LINGO2: variants seen among roughly 807,000 people sequenced by gnomAD.
LINGO2 encodes the protein leucine rich repeat and Ig domain containing 2.
In LINGO2, 14 loss-of-function variants were observed where a neutral mutation model predicts 30.6. That is an observed-to-expected ratio of 0.46 (90% CI 0.30 to 0.72). The LOEUF is 0.72. LINGO2 is among the 30% of genes least tolerant of loss of function. LINGO2 has a pLI of 0.07. For missense variants in LINGO2, 729 were observed against 751.7 expected, an observed-to-expected ratio of 0.97 and a Z score of 0.35; for synonymous variants, 317 against 288.5, an observed-to-expected ratio of 1.10 and a Z score of -1.00.
the LINGO2 span, among the ~76,000 whole-genome samples, chr9:29,063,497 G>C: frequency 6.6e-6 from 1 of 151,514 alleles, no homozygotes; most frequent in African/African-American, 2.4e-5. Context: ...CTGCCTCCCA[G>C]GTTTGAGCAA....
At chr9:28,956,306 G>C in the LINGO2 span, among the ~76,000 whole-genome samples, 1 of 152,082 alleles carries the variant, frequency 6.6e-6, no homozygotes, top group African/African-American at 2.4e-5. Flanking sequence ...GAATGAAAGA[G>C]CTACCAGCAC....
chr9:28,941,473 T>C, the LINGO2 span, among the ~76,000 whole-genome samples: 1 of 152,140 alleles, frequency 6.6e-6, no homozygotes, highest in African/African-American at 2.4e-5. Flanking sequence ...AATTAAATTA[T>C]ATAATATTGT....
chr9:28,056,035 A>T (rs940834684), intron 4 of LINGO2, among the ~76,000 whole-genome samples: 2 of 152,192 alleles, frequency 1.3e-5, no homozygotes, highest in Non-Finnish European at 2.9e-5. Flanking sequence ...ACTTAAGACA[A>T]AAGAAACTAT....
At chr9:28,016,787 A>G (rs921117037) in intron 4 of LINGO2, among the ~76,000 whole-genome samples, 3 of 152,128 alleles carry the variant, frequency 2.0e-5, no homozygotes, top group South Asian at 2.1e-4. Context: ...TATCAATCCT[A>G]CGGAAAATAG....
intron 4 of LINGO2, among the ~76,000 whole-genome samples, chr9:28,198,115 A>T (rs75829879): frequency 0.019 from 2,877 of 151,886 alleles, 56 homozygotes; most frequent in South Asian, 0.095. Context: ...GTAGGAATTT[A>T]TCCTACAGAT....
chr9:28,321,609 T>C (rs1339436952), intron 3 of LINGO2, among the ~76,000 whole-genome samples: 1 of 151,872 alleles, frequency 6.6e-6, no homozygotes, highest in Non-Finnish European at 1.5e-5. Flanking sequence ...AAATGAAGAG[T>C]GGAGAAGCAG....
the LINGO2 span, among the ~76,000 whole-genome samples, chr9:28,675,928 TACACACACACACACACAC>T: frequency 7.4e-6 from 1 of 135,680 alleles, no homozygotes; most frequent in African/African-American, 2.7e-5. Flanking sequence ...TATATATACA[TACACACACACACACACAC>T]ACACAGATAT....
intron 1 of LINGO2, among the ~76,000 whole-genome samples, chr9:28,484,880 C>T (rs1241618715): frequency 6.6e-6 from 1 of 152,090 alleles, no homozygotes; most frequent in East Asian, 1.9e-4. Flanking sequence ...ACAGACAACA[C>T]TTCAATCAAT....
intron 2 of LINGO2, among the ~76,000 whole-genome samples, chr9:28,399,614 A>G (rs1214351678): frequency 6.6e-6 from 1 of 152,182 alleles, no homozygotes; most frequent in East Asian, 1.9e-4. Flanking sequence ...AAGAAATGCA[A>G]ATTTAAACAA....
chr9:28,285,095 C>T (rs1329384769), intron 4 of LINGO2, among the ~76,000 whole-genome samples: 1 of 152,188 alleles, frequency 6.6e-6, no homozygotes. Flanking sequence ...AGGCATTGTG[C>T]TAAGCACTGG....
chr9:28,951,370 A>T, the LINGO2 span, among the ~76,000 whole-genome samples: 2 of 112,274 alleles, frequency 1.8e-5, no homozygotes, highest in African/African-American at 6.9e-5. Flanking sequence ...AGATTCTGCA[A>T]TGGGGGTGGG....
chr9:29,194,257 C>T, the LINGO2 span, among the ~76,000 whole-genome samples: 1 of 152,264 alleles, frequency 6.6e-6, no homozygotes, highest in South Asian at 2.1e-4. Context: ...GGAAGCACCC[C>T]CCGGAGCCCA....
At chr9:28,794,354 T>C in the LINGO2 span, among the ~76,000 whole-genome samples, 4 of 152,178 alleles carry the variant, frequency 2.6e-5, no homozygotes, top group South Asian at 4.2e-4. Context: ...ATAGTTCTGA[T>C]TGGGAAATTC....
chr9:28,020,531 AAAAACAAAACAAAAC>A lies in LINGO2; in HGVS notation c.-86-8141_-86-8127del, dbSNP rs138914532. ...CCAACAGAGTGAGACTCTGTCTTAT[AAAAACAAAACAAAAC>A]AAAACAAAACAAAACAAAACAAAAC... On this transcript the variant is annotated intron_variant, in intron 4 of 5. Transcript: ENST00000379992. Among the ~76,000 whole-genome samples, 211 of 148,686 alleles carry A rather than the reference AAAAACAAAACAAAAC, an allele frequency of 1.4e-3. 1 individual carries two copies. The highest frequency in any genetic ancestry group is 1.7e-3 in the Non-Finnish European group (115 of 67,406).
chr9:28,181,201 C>G (rs905356781), intron 4 of LINGO2, among the ~76,000 whole-genome samples: 17 of 152,148 alleles, frequency 1.1e-4, no homozygotes, highest in African/African-American at 3.9e-4. Context: ...CACCAACCAG[C>G]ATATCCACTG....
the LINGO2 span, among the ~76,000 whole-genome samples, chr9:28,710,594 T>C: frequency 5.2e-4 from 79 of 152,212 alleles, no homozygotes; most frequent in African/African-American, 1.9e-3. Context: ...CAGGGGTTAA[T>C]AGAAAAATCT....
intron 4 of LINGO2, among the ~76,000 whole-genome samples, chr9:28,196,058 G>A (rs1274769879): frequency 1.3e-5 from 2 of 151,470 alleles, no homozygotes; most frequent in Non-Finnish European, 3.0e-5. Context: ...TATTTCTACT[G>A]ATGCAGATAA....
At chr9:29,139,732 A>G in the LINGO2 span, among the ~76,000 whole-genome samples, 2 of 152,160 alleles carry the variant, frequency 1.3e-5, no homozygotes, top group African/African-American at 2.4e-5. Context: ...TCACAGTACT[A>G]TTGGAAGGAA....
chr9:28,177,675 C>CAAAT (rs1828786280), intron 4 of LINGO2, among the ~76,000 whole-genome samples: 1 of 151,842 alleles, frequency 6.6e-6, no homozygotes, highest in East Asian at 1.9e-4. Context: ...AAAGGAGCAA[C>CAAAT]AAATAAATAA....
Sources: gnomAD v4.1 joint callset for allele counts (sites outside exome capture counted in the v4.1 genomes callset) on GRCh38, gnomAD v4.1.1 for gene constraint, MANE v1.5 for transcripts, NCBI Gene and HGNC (gene_info 2026-07-23, HGNC 2026-07-21) for gene names.